The following CLMP variants were observed in gnomAD, a reference collection of about 807,000 sequenced individuals.
The protein encoded by CLMP is CXADR-like membrane protein.
CLMP carries 27 observed loss-of-function variants against 45.2 expected under a neutral mutation model. The ratio of observed to expected loss-of-function variants is 0.60; its 90% CI spans 0.44 to 0.82. The LOEUF (loss-of-function observed/expected upper bound fraction) is 0.82, where lower values mean the gene tolerates loss of function less well. Among genes scored for constraint, CLMP ranks in the 40% least tolerant of loss-of-function variants. CLMP has a pLI of 0.00. For missense variants in CLMP, 403 were observed against 448.4 expected (o/e 0.90, Z 0.91); for synonymous variants, 167 against 171.4 (o/e 0.97, Z 0.20).
At chr11:123,169,565 TC>T (rs1333021778) in intron 1 of CLMP, among the ~76,000 whole-genome samples, 2 of 152,140 alleles carry the variant, frequency 1.3e-5, no homozygotes, top group Non-Finnish European at 2.9e-5. Flanking sequence ...TTTACTCCAC[TC>T]CTAAGACTTC....
chr11:123,139,633 T>C (rs1156470110), intron 1 of CLMP, among the ~76,000 whole-genome samples: 1 of 152,082 alleles, frequency 6.6e-6, no homozygotes, highest in African/African-American at 2.4e-5. Context: ...GAGACCAGCC[T>C]GGCCAACATG....
intron 1 of CLMP, among the ~76,000 whole-genome samples, chr11:123,106,817 G>A (rs538962504): frequency 1.8e-4 from 28 of 151,938 alleles, no homozygotes; most frequent in East Asian, 1.8e-3. Flanking sequence ...TCAGGAGATC[G>A]AGACCATCCT....
At chr11:123,119,924 T>C (rs1860789706) in intron 1 of CLMP, among the ~76,000 whole-genome samples, 1 of 152,130 alleles carries the variant, frequency 6.6e-6, no homozygotes, top group African/African-American at 2.4e-5. Flanking sequence ...TGACCTCAGG[T>C]GATCCACCCA....
intron 1 of CLMP, among the ~76,000 whole-genome samples, chr11:123,132,422 CT>C (rs903546960): frequency 5.9e-5 from 9 of 151,978 alleles, no homozygotes; most frequent in Middle Eastern, 3.4e-3. Context: ...TAACTTTTTC[CT>C]TTTTTTTCTC....
chr11:123,121,109 A>G (rs2135500046), intron 1 of CLMP, among the ~76,000 whole-genome samples: 1 of 143,300 alleles, frequency 7.0e-6, no homozygotes, highest in South Asian at 2.3e-4. Context: ...CCTGGGCGAC[A>G]GAGCGAGACT....
intron 1 of CLMP, among the ~76,000 whole-genome samples, chr11:123,118,798 G>T (rs910674023): frequency 6.6e-6 from 1 of 151,902 alleles, no homozygotes; most frequent in African/African-American, 2.4e-5. Flanking sequence ...ACACCCAAAT[G>T]ACTCAAATGG....
At chr11:123,172,068 A>G (rs1861642753) in intron 1 of CLMP, among the ~76,000 whole-genome samples, 1 of 152,070 alleles carries the variant, frequency 6.6e-6, no homozygotes, top group Non-Finnish European at 1.5e-5. Flanking sequence ...CCAAGTCATA[A>G]AATTTCTTTG....
At position 123,103,044 on chromosome 11, in the gene CLMP, T is replaced by G. The variant is rs185853810; in HGVS notation, c.29-5092A>C. Among the ~76,000 whole-genome samples the G allele has an allele frequency of 2.6e-5, 4 of 152,244 alleles. No homozygotes were observed. In the East Asian group the frequency reaches 7.7e-4, roughly 29 times the overall value. Reference sequence around the variant, plus strand: ...TAACCCACACGCTCATTTTTACCAATGAGCAAACTAAGACCCAGGGGTAAA... The same window carrying G: ...TAACCCACACGCTCATTTTTACCAAGGAGCAAACTAAGACCCAGGGGTAAA... On this transcript the variant is annotated intron_variant, in intron 1 of 6. Coordinates refer to ENST00000448775, the MANE Select transcript of CLMP (RefSeq NM_024769.5).
chr11:123,136,629 G>A, intron 1 of CLMP, among the ~76,000 whole-genome samples: 1 of 141,880 alleles, frequency 7.0e-6, no homozygotes. Context: ...GTGCAGTGGC[G>A]CGATCTTGGC....
chr11:123,143,038 G>A (rs918130905), intron 1 of CLMP, among the ~76,000 whole-genome samples: 2 of 152,234 alleles, frequency 1.3e-5, no homozygotes, highest in Non-Finnish European at 2.9e-5. Context: ...GCTCCAGGAA[G>A]GGACAGTTTA....
rs1318443313 is a variant in CLMP at position 123,145,225 on chromosome 11, C to A, written c.29-47273G>T. On this transcript the variant is annotated intron_variant, in intron 1 of 6. Transcript: ENST00000448775. ...TTCCATGGGGGCTCACATTCTATTTCTATTTCTATATTTTCTACTGGACTG... is the reference window on the plus strand; with the variant it reads ...TTCCATGGGGGCTCACATTCTATTTATATTTCTATATTTTCTACTGGACTG... Among the ~76,000 whole-genome samples the A allele has an allele frequency of 3.3e-5, 5 of 152,074 alleles. No homozygotes were observed. In the South Asian group the frequency reaches 8.3e-4, roughly 25 times the overall value.
intron 1 of CLMP, among the ~76,000 whole-genome samples, chr11:123,186,411 C>T (rs2135551110): frequency 6.6e-6 from 1 of 152,212 alleles, no homozygotes; most frequent in East Asian, 1.9e-4. Context: ...AGAAGACTCA[C>T]AGCTGTGATA....
intron 5 of CLMP, among the ~76,000 whole-genome samples, chr11:123,078,311 G>C (rs909380233): frequency 6.6e-6 from 1 of 152,140 alleles, no homozygotes; most frequent in Non-Finnish European, 1.5e-5. Flanking sequence ...CAACAACAAT[G>C]ATGAGTCTCA....
At chr11:123,158,980 G>A (rs1395307091) in intron 1 of CLMP, among the ~76,000 whole-genome samples, 3 of 152,140 alleles carry the variant, frequency 2.0e-5, no homozygotes, top group Non-Finnish European at 4.4e-5. Context: ...CCCTTTCTAT[G>A]TGCCAGGGAT....
intron 1 of CLMP, among the ~76,000 whole-genome samples, chr11:123,123,798 A>G (rs909838896): frequency 1.3e-5 from 2 of 152,212 alleles, no homozygotes; most frequent in African/African-American, 4.8e-5. Context: ...ATGTGAAAAA[A>G]TTAGCAAATA....
rs191859893 is a variant in CLMP, at chr11:123,156,780, T to C, written c.28+38133A>G. Among the ~76,000 whole-genome samples, 5 of 101,402 alleles carry C rather than the reference T, an allele frequency of 4.9e-5. No individual in the cohort carries two copies. In the East Asian group the frequency reaches 1.0e-3, roughly 21 times the overall value. 66.5% of individuals were successfully genotyped at this position (101,402 alleles called of 152,430 possible). On this transcript the variant is annotated intron_variant, in intron 1 of 6. Transcript: ENST00000448775. Reference sequence around the variant, plus strand: ...TAAAAATCTCACAAATGTGCTTCCTTCTTCTTCCCAGAAAGCTTTGCTAAG... The same window carrying C: ...TAAAAATCTCACAAATGTGCTTCCTCCTTCTTCCCAGAAAGCTTTGCTAAG...
chr11:123,108,375 A>G (rs900463325), intron 1 of CLMP, among the ~76,000 whole-genome samples: 1 of 152,228 alleles, frequency 6.6e-6, no homozygotes, highest in African/African-American at 2.4e-5. Flanking sequence ...GTGGAATTTC[A>G]GACATCTGGG....
intron 1 of CLMP, among the ~76,000 whole-genome samples, chr11:123,109,601 A>G (rs560552191): frequency 4.3e-4 from 66 of 152,352 alleles, no homozygotes; most frequent in African/African-American, 1.6e-3. Flanking sequence ...CTGGTTGGAC[A>G]CACCTGAGGT....
At chr11:123,181,228 G>A (rs574144028) in intron 1 of CLMP, among the ~76,000 whole-genome samples, 20 of 152,280 alleles carry the variant, frequency 1.3e-4, no homozygotes, top group African/African-American at 3.6e-4. Flanking sequence ...CCGCCACACA[G>A]CCTGAGAAGG....
Sources: allele counts gnomAD v4.1 joint callset (sites outside exome capture counted in the v4.1 genomes callset), GRCh38; gene constraint gnomAD v4.1.1; transcripts MANE v1.5; gene names NCBI Gene and HGNC (gene_info 2026-07-23, HGNC 2026-07-21).